KIAA1671: variants seen among roughly 807,000 people sequenced by gnomAD.
KIAA1671 encodes uncharacterized protein KIAA1671.
In KIAA1671, 52 loss-of-function variants were observed where a neutral mutation model predicts 131.2. The observed-to-expected ratio is 0.40, with a 90% CI of 0.32 to 0.50. The LOEUF (loss-of-function observed/expected upper bound fraction) is 0.50. Ranked by LOEUF, KIAA1671 falls within the 20% of genes least tolerant of loss-of-function variation. KIAA1671 has a pLI of 0.73. For synonymous variants in KIAA1671, 1,003 were observed against 961.6 expected, an observed-to-expected ratio of 1.04 and a Z score of -0.80; for missense variants, 2,360 against 2,364.2, an observed-to-expected ratio of 1.00 and a Z score of 0.04.
rs942556973 is a variant in KIAA1671 at position 25,040,842 on chromosome 22, G to T, written c.3712G>T (p.Val1238Phe). 1.9e-6 allele frequency: 3 copies of T among 1,550,540 alleles called. No individual in the cohort carries two copies. The highest frequency in any genetic ancestry group is 2.6e-6 in the Non-Finnish European group (3 of 1,146,246). The change falls in exon 5 of 13, where the codon GTT becomes TTT. Residue 1238 changes from valine (V) to phenylalanine (F), a missense_variant. By Grantham distance (50) the Val-to-Phe change is conservative. This residue lies in a region of KIAA1671 where 1,161 missense variants were observed against 1,204.7 expected (regional missense o/e 0.96). Coordinates refer to ENST00000358431, the MANE Select transcript of KIAA1671 (RefSeq NM_001145206.2). The part of the protein sequence containing the change: ...EPSTLPRERP[V>F]QLGGVEQRRR... ...CAGTACGTTGCCTCGGGAGAGGCCT[G>T]TTCAGCTGGGCGGGGTGGAGCAGAG...
rs1568951385 is a variant in KIAA1671, at chr22:25,093,804, C to T, written c.4530+44440C>T. 6.3e-3 allele frequency among the ~76,000 whole-genome samples: 865 copies of T among 137,732 alleles called. 52 individuals carry two copies. Among genetic ancestry groups the T allele is most frequent in the East Asian group, 0.014 (65 of 4,716 alleles). The allele number at this position is 137,732 out of a possible 152,430, so 90.4% of individuals were successfully genotyped here. A position where few individuals can be genotyped will look rare whatever the true frequency, so the allele number is the denominator to read the frequency against. On this transcript the variant is annotated intron_variant, in intron 6 of 12. Transcript: ENST00000358431. ...TCTCTCTCTCTCTCTCTCTCTCTCT[C>T]TCTCTCTGTCTCTCTCTCTTTCTCT...
intron 6 of KIAA1671, among the ~76,000 whole-genome samples, chr22:25,103,231 A>G (rs1930794987): frequency 7.0e-6 from 1 of 142,292 alleles, no homozygotes. Flanking sequence ...TTTTTTTGAG[A>G]ACGGCGTCTC....
intron 6 of KIAA1671, among the ~76,000 whole-genome samples, chr22:25,137,350 C>T (rs923522006): frequency 5.9e-5 from 9 of 152,226 alleles, no homozygotes; most frequent in Middle Eastern, 3.4e-3. Context: ...TCCCACAGCC[C>T]GAATTCTCTT....
At chr22:25,071,003 T>C (rs151210154) in intron 6 of KIAA1671, among the ~76,000 whole-genome samples, 51 of 152,284 alleles carry the variant, frequency 3.3e-4, no homozygotes, top group African/African-American at 1.1e-3. Context: ...CTTTGTGAGG[T>C]ATAAAATGCT....
intron 6 of KIAA1671, among the ~76,000 whole-genome samples, chr22:25,105,466 G>A (rs1315682666): frequency 6.6e-6 from 1 of 152,198 alleles, no homozygotes; most frequent in African/African-American, 2.4e-5. Context: ...GTAAGAAAAA[G>A]ATGGTTTTCT....
At chr22:25,027,624 G>A (rs1926019460) in intron 2 of KIAA1671, among the ~76,000 whole-genome samples, 1 of 152,244 alleles carries the variant, frequency 6.6e-6, no homozygotes, top group African/African-American at 2.4e-5. Context: ...TTCCTTATCT[G>A]TGTAGCAGAG....
At chr22:24,967,441 A>T (rs1396630140) in intron 1 of KIAA1671, among the ~76,000 whole-genome samples, 2 of 152,162 alleles carry the variant, frequency 1.3e-5, no homozygotes, top group African/African-American at 2.4e-5. Context: ...CTTCTCTCCC[A>T]TCGGAAGTTC....
intron 1 of KIAA1671, among the ~76,000 whole-genome samples, chr22:24,973,280 CTG>C (rs1310910959): frequency 6.6e-6 from 1 of 151,794 alleles, no homozygotes; most frequent in Non-Finnish European, 1.5e-5. Context: ...GAAGCTACAT[CTG>C]TGCAGGTGGG....
intron 1 of KIAA1671, among the ~76,000 whole-genome samples, chr22:24,991,780 G>A (rs1923854344): frequency 6.6e-6 from 1 of 151,982 alleles, no homozygotes; most frequent in Non-Finnish European, 1.5e-5. Context: ...CCTTTCTGAC[G>A]TGGGGAGAAT....
At position 25,099,537 on chromosome 22, in the gene KIAA1671, GTTTTTTTGTTTTTTTTTTTTT is replaced by G. The variant is rs1182735902; in HGVS notation, c.4530+50181_4530+50201del. On this transcript the variant is annotated intron_variant, in intron 6 of 12. Transcript: ENST00000358431. ...TATAAGTTTGTCTTTCAAAATGTGG[GTTTTTTTGTTTTTTTTTTTTT>G]TTTTTTTTTTTTTTTAGATAGAGTC... Among the ~76,000 whole-genome samples, 216 of 112,112 alleles carry G rather than the reference GTTTTTTTGTTTTTTTTTTTTT, an allele frequency of 1.9e-3. 5 individuals are homozygous for G. The highest frequency in any genetic ancestry group is 5.1e-3 in the African/African-American group (130 of 25,490). 73.5% of individuals were successfully genotyped at this position (112,112 alleles called of 152,430 possible).
intron 6 of KIAA1671, among the ~76,000 whole-genome samples, chr22:25,083,076 C>T (rs1022220837): frequency 6.6e-6 from 1 of 152,044 alleles, no homozygotes; most frequent in African/African-American, 2.4e-5. Context: ...CCAGGGCTGC[C>T]ATATTAAAAA....
At chr22:24,997,945 A>G (rs550173786) in intron 1 of KIAA1671, among the ~76,000 whole-genome samples, 10 of 152,286 alleles carry the variant, frequency 6.6e-5, no homozygotes, top group African/African-American at 2.4e-4. Context: ...CCTGAATTTC[A>G]TACACATGCC....
In KIAA1671 at chr22:25,029,054, G is replaced by A. The variant is rs1243523705; in HGVS notation, c.1055G>A (p.Arg352His). ...LDFLEVAKKI[R>H]ERKEKMLSKP... Reference sequence around the variant, plus strand: ...TTCCTGGAGGTGGCCAAGAAAATCCGTGAACGGAAGGAGAAGATGCTTTCG... The same window carrying A: ...TTCCTGGAGGTGGCCAAGAAAATCCATGAACGGAAGGAGAAGATGCTTTCG... The change falls in exon 3 of 13, where the codon CGT (arginine) becomes CAT (histidine). Residue 352 changes from arginine (R) to histidine (H), a missense_variant. Arg to His is a conservative substitution (Grantham distance 29). Around this residue, in one of 3 missense-constraint regions of KIAA1671, gnomAD observed 1,185 missense variants for 1,126.2 expected, o/e 1.05. Transcript: ENST00000358431. 1.2e-5 allele frequency: 18 copies of A among 1,506,038 alleles called. No individual in the cohort carries two copies. The highest frequency in any genetic ancestry group is 2.5e-5 in the East Asian group (1 of 40,560). The allele number at this position is 1,506,038 out of a possible 1,614,324, so 93.3% of individuals were successfully genotyped here.
At position 25,145,098 on chromosome 22, in the gene KIAA1671, T is replaced by C. The variant is rs560269965; in HGVS notation, c.4531-25722T>C. On this transcript the variant is annotated intron_variant, in intron 6 of 12. Transcript: ENST00000358431. ...CTTTAGGGATGGTGGATCCCTGAGG[T>C]CCCCAGAGCTACCTGACAGCCACAG... 1.3e-3 allele frequency among the ~76,000 whole-genome samples: 192 copies of C among 152,188 alleles called. 3 individuals carry two copies. The South Asian group carries it at 0.031, about 25-fold the overall frequency.
intron 1 of KIAA1671, among the ~76,000 whole-genome samples, chr22:25,016,916 C>T (rs1025588045): frequency 5.3e-5 from 8 of 152,148 alleles, no homozygotes; most frequent in African/African-American, 1.9e-4. Context: ...AGGTGCTGCC[C>T]CTCGCAGAGC....
intron 2 of KIAA1671, among the ~76,000 whole-genome samples, chr22:25,026,656 G>A (rs1925958765): frequency 6.6e-6 from 1 of 152,060 alleles, no homozygotes; most frequent in Admixed American, 6.5e-5. Context: ...CTTGAACCTG[G>A]GAGGCAGAAG....
intron 6 of KIAA1671, among the ~76,000 whole-genome samples, chr22:25,164,045 G>C (rs1933554814): frequency 6.6e-6 from 1 of 152,152 alleles, no homozygotes; most frequent in Non-Finnish European, 1.5e-5. Context: ...ACTTGTCTTT[G>C]CCTGCAAGAC....
intron 11 of KIAA1671, among the ~76,000 whole-genome samples, chr22:25,188,850 C>T (rs910505117): frequency 1.3e-5 from 2 of 152,106 alleles, no homozygotes; most frequent in Non-Finnish European, 2.9e-5. Flanking sequence ...GTCTTGCTGC[C>T]TCAGGGGCGG....
At chr22:24,998,081 C>T (rs5760784) in intron 1 of KIAA1671, among the ~76,000 whole-genome samples, 1 of 152,170 alleles carries the variant, frequency 6.6e-6, no homozygotes, top group East Asian at 1.9e-4. Flanking sequence ...TCCTGATAAA[C>T]CCATCATAAG....
Sources: allele counts gnomAD v4.1 joint callset (sites outside exome capture counted in the v4.1 genomes callset), GRCh38; gene constraint gnomAD v4.1.1; regional missense constraint gnomAD v4.1.1; transcripts MANE v1.5; gene names NCBI Gene and HGNC (gene_info 2026-07-23, HGNC 2026-07-21).